Variants in FRA10AC1 observed in about 807,000 individuals in gnomAD.
The protein encoded by FRA10AC1 is protein FRA10AC1.
Under a neutral mutation model 56.5 loss-of-function variants are expected in FRA10AC1, and 43 were observed. The ratio of observed to expected loss-of-function variants is 0.76; its 90% CI spans 0.60 to 0.98. The LOEUF (loss-of-function observed/expected upper bound fraction) is 0.98, where lower values mean the gene tolerates loss of function less well. Ranked by LOEUF, FRA10AC1 falls within the 50% of genes least tolerant of loss-of-function variation. FRA10AC1 has a pLI of 0.00. For missense variants in FRA10AC1, 346 were observed against 351.8 expected, an observed-to-expected ratio of 0.98 and a Z score of 0.13; for synonymous variants, 112 against 110.5, an observed-to-expected ratio of 1.01 and a Z score of -0.09.
chr10:93,670,643 C>T (rs879820777), intron 13 of FRA10AC1, 127 bp downstream of exon 13: 6 of 544,312 alleles, frequency 1.1e-5, no homozygotes, highest in African/African-American at 7.6e-5. Flanking sequence ...CTAATCTTAC[C>T]AGGCTAGGCA....
In FRA10AC1 at chr10:93,692,032, G is replaced by C. The variant is rs771926105; in HGVS notation, c.442C>G (p.Leu148Val). ...ACCTTATTTTCTTTATATTTACTGA[G>C]ATCTGCTATGCAGTATTCCTTAAAT... ...KLFKEYCIADLSKYKENKFGF... is the reference protein window; with the variant it reads ...KLFKEYCIADVSKYKENKFGF... Residue 148 changes from leucine (L) to valine (V), a missense_variant, in exon 7 of 14, where the codon CTC becomes GTC. Transcript: ENST00000359204. 21 of 1,574,788 alleles carry C rather than the reference G, an allele frequency of 1.3e-5. 1 individual carries two copies. The South Asian group carries it at 2.5e-4, about 19-fold the overall frequency.
At chr10:93,681,145 G>A (rs1458755663) in intron 11 of FRA10AC1, among the ~76,000 whole-genome samples, 2 of 152,104 alleles carry the variant, frequency 1.3e-5, no homozygotes, top group Admixed American at 1.3e-4. Context: ...GGCCAGGTAT[G>A]CACCTCACCC....
intron 1 of FRA10AC1, among the ~76,000 whole-genome samples, chr10:93,700,736 T>A (rs2059317487): frequency 6.6e-6 from 1 of 152,242 alleles, no homozygotes; most frequent in South Asian, 2.1e-4. Context: ...TTTCCTGTAA[T>A]CTTTTTCAAT....
chr10:93,682,137 T>G (rs1284777362), intron 10 of FRA10AC1, among the ~76,000 whole-genome samples: 1 of 152,202 alleles, frequency 6.6e-6, no homozygotes, highest in Non-Finnish European at 1.5e-5. Flanking sequence ...TAATTTATAC[T>G]CTTATTGTTG....
intron 11 of FRA10AC1, 105 bp downstream of exon 11, chr10:93,681,374 TA>T: frequency 1.3e-6 from 1 of 753,178 alleles, no homozygotes; most frequent in East Asian, 2.9e-5. Flanking sequence ...TCAACTACCA[TA>T]AAATGAAATT....
At chr10:93,683,445 G>A (rs900140523) in intron 10 of FRA10AC1, among the ~76,000 whole-genome samples, 105 of 151,960 alleles carry the variant, frequency 6.9e-4, no homozygotes, top group African/African-American at 2.4e-3. Context: ...CTGCCTCCCA[G>A]GTTCAAGCAA....
At chr10:93,683,702 T>C (rs1212991332) in intron 10 of FRA10AC1, among the ~76,000 whole-genome samples, 1 of 152,190 alleles carries the variant, frequency 6.6e-6, no homozygotes, top group East Asian at 1.9e-4. Context: ...TTTGTAAGAA[T>C]GGCAAACTCC....
chr10:93,681,700 T>A (rs527853731), intron 10 of FRA10AC1, 102 bp from the exon 11 acceptor site: 5 of 1,059,880 alleles, frequency 4.7e-6, no homozygotes, highest in Non-Finnish European at 6.3e-6. Flanking sequence ...AAAATACTTA[T>A]TTTTTAAATG....
At chr10:93,681,446 T>C (rs377093425) in intron 11 of FRA10AC1, 34 bp downstream of exon 11, 4 of 1,293,800 alleles carry the variant, frequency 3.1e-6, no homozygotes, top group Non-Finnish European at 4.3e-6. Context: ...TGCTCACAAA[T>C]GTGAGTAGAT....
At chr10:93,676,721 C>G (rs755990015) in intron 11 of FRA10AC1, 30 bp from the exon 12 acceptor site, 1 of 1,549,918 alleles carries the variant, frequency 6.5e-7, no homozygotes, top group Admixed American at 2.1e-5. Flanking sequence ...GATTTATTAA[C>G]TATCATCTTG....
At chr10:93,670,874 T>A in intron 12 of FRA10AC1, 26 bp from the exon 13 acceptor site, 1 of 1,479,674 alleles carries the variant, frequency 6.8e-7, no homozygotes. Flanking sequence ...AGATGATTTT[T>A]AAAAACCTAT....
intron 9 of FRA10AC1, 102 bp from the exon 10 acceptor site, chr10:93,684,200 TAA>T (rs1411520492): frequency 7.5e-6 from 6 of 804,004 alleles, no homozygotes; most frequent in Admixed American, 4.4e-5. Flanking sequence ...TCCATTACTA[TAA>T]GAGGGTAAAC....
chr10:93,693,211 T>TA (rs548877208), intron 5 of FRA10AC1, among the ~76,000 whole-genome samples: 101 of 115,726 alleles, frequency 8.7e-4, no homozygotes, highest in South Asian at 2.1e-3. Flanking sequence ...AGTCTGGGGG[T>TA]AAAAAAAAAA....
At chr10:93,682,633 T>C (rs1313818186) in intron 10 of FRA10AC1, among the ~76,000 whole-genome samples, 2 of 151,918 alleles carry the variant, frequency 1.3e-5, no homozygotes, top group African/African-American at 4.8e-5. Flanking sequence ...AAACACCATC[T>C]CTACAAAAAC....
Position 93,687,428 on chromosome 10 carries a change from C to A in FRA10AC1, c.487G>T (p.Glu163Ter). The change falls in exon 8 of 14, where the codon GAA becomes TAA. Residue 163 changes from glutamate to a stop codon, truncating the protein, a stop_gained. Transcript: ENST00000359204. LOFTEE classifies it high-confidence loss of function. ...CCTTTTCCTGAAATTACTTCTTTTT[C>A]TACTCGCCACCTAAATCCAAACTGA... ...ENKFGFRWRV[E>*]KEVISGKGQF... is the part of the protein sequence containing the mutation. 6.6e-7 allele frequency: 1 copy of A among 1,516,420 alleles called. No homozygotes were observed. The highest frequency in any genetic ancestry group is 1.2e-5 in the South Asian group (1 of 82,818). The allele number at this position is 1,516,420 out of a possible 1,614,324, so 93.9% of individuals were successfully genotyped here. A position where few individuals can be genotyped will look rare whatever the true frequency, so the allele number is the denominator to read the frequency against.
chr10:93,681,416 A>G, intron 11 of FRA10AC1, 64 bp downstream of exon 11: 12 of 1,056,708 alleles, frequency 1.1e-5, no homozygotes, highest in South Asian at 1.0e-4. Flanking sequence ...GATGAATGAA[A>G]TATGGCAGAT....
In FRA10AC1 at chr10:93,677,974, C is replaced by T. The variant is rs141576109; in HGVS notation, c.788-1283G>A. Among the ~76,000 whole-genome samples the T allele has an allele frequency of 3.5e-4, 53 of 152,328 alleles. No homozygotes were observed. The East Asian group carries it at 9.5e-3, about 27-fold the overall frequency. On this transcript the variant is annotated intron_variant, in intron 11 of 13. Coordinates refer to ENST00000359204, the MANE Select transcript of FRA10AC1 (RefSeq NM_145246.5). ...ACTTATTGAATGCCTCCTATGGGAG[C>T]AAGCACTATTAGGAATTAGAGATAA...
In FRA10AC1 at chr10:93,670,756, A is replaced by G; in HGVS notation, c.905+14T>C. 1 of 1,531,850 alleles carries G rather than the reference A, an allele frequency of 6.5e-7. No homozygotes were observed. The highest frequency in any genetic ancestry group is 9.0e-7 in the Non-Finnish European group (1 of 1,106,322). 94.9% of individuals were successfully genotyped at this position (1,531,850 alleles called of 1,614,324 possible). On this transcript the variant is annotated intron_variant, in intron 13 of 13. Coordinates refer to ENST00000359204, the MANE Select transcript of FRA10AC1 (RefSeq NM_145246.5). ...TTGAAAAGGTACATATTCTCTATTA[A>G]TATCAGCACTTACTGTGATTTTTCA...
chr10:93,671,128 T>C (rs2058754490), intron 12 of FRA10AC1: 1 of 303,690 alleles, frequency 3.3e-6, no homozygotes, highest in African/African-American at 2.1e-5. Context: ...TATTAACTCT[T>C]GTAAGTCAAT....
Sources: allele counts gnomAD v4.1 joint callset (sites outside exome capture counted in the v4.1 genomes callset), GRCh38; gene constraint gnomAD v4.1.1; transcripts MANE v1.5; gene names NCBI Gene and HGNC (gene_info 2026-07-23, HGNC 2026-07-21).